Variants in ANKS1B observed in about 807,000 individuals in gnomAD.
The protein encoded by ANKS1B is ankyrin repeat and sterile alpha motif domain containing 1B, also known as ankyrin repeat and sterile alpha motif domain-containing protein 1B.
A neutral mutation model predicts 148.3 loss-of-function variants in ANKS1B; 36 were observed. The ratio of observed to expected loss-of-function variants is 0.24; its 90% CI spans 0.19 to 0.32. ANKS1B has a LOEUF of 0.32. Ranked by LOEUF, ANKS1B falls within the 10% of genes least tolerant of loss-of-function variation. The pLI, the probability that ANKS1B is intolerant of heterozygous loss-of-function variation, is 1.00. For missense variants in ANKS1B, 1,157 were observed against 1,542.6 expected, an observed-to-expected ratio of 0.75 and a Z score of 4.19; for synonymous variants, 542 against 560.8, an observed-to-expected ratio of 0.97 and a Z score of 0.47.
chr12:99,090,622 T>C (rs2053692998), intron 15 of ANKS1B, among the ~76,000 whole-genome samples: 1 of 152,160 alleles, frequency 6.6e-6, no homozygotes, highest in Non-Finnish European at 1.5e-5. Context: ...TAGTTTGCTT[T>C]TAATATTTAG....
At chr12:99,063,813 G>T (rs144062419) in intron 16 of ANKS1B, among the ~76,000 whole-genome samples, 4 of 152,282 alleles carry the variant, frequency 2.6e-5, no homozygotes, top group African/African-American at 9.6e-5. Flanking sequence ...TTAATATACT[G>T]TGACTGTTGT....
chr12:98,874,156 CA>C (rs542853481), intron 17 of ANKS1B, among the ~76,000 whole-genome samples: 71 of 151,784 alleles, frequency 4.7e-4, no homozygotes, highest in Admixed American at 4.0e-3. Context: ...CAAAATGAGG[CA>C]AAAAAAGAGC....
intron 8 of ANKS1B, among the ~76,000 whole-genome samples, chr12:99,664,531 G>A (rs1445246922): frequency 6.6e-6 from 1 of 151,954 alleles, no homozygotes; most frequent in African/African-American, 2.4e-5. Flanking sequence ...AAAAGCTGAG[G>A]GAAAAGGAGC....
At chr12:99,515,845 TAA>T (rs1298139756) in intron 9 of ANKS1B, among the ~76,000 whole-genome samples, 4 of 152,168 alleles carry the variant, frequency 2.6e-5, no homozygotes, top group Non-Finnish European at 5.9e-5. Context: ...GTCTTTTGGA[TAA>T]AAGTCATTTA....
chr12:99,574,035 A>G (rs1289488449), intron 9 of ANKS1B, among the ~76,000 whole-genome samples: 1 of 152,078 alleles, frequency 6.6e-6, no homozygotes, highest in Non-Finnish European at 1.5e-5. Flanking sequence ...TGTTGCCTAC[A>G]GAGGTTTACA....
In ANKS1B at chr12:98,853,421, G is replaced by C. The variant is rs552439245; in HGVS notation, c.2779-21285C>G. On this transcript the variant is annotated intron_variant, in intron 17 of 26. Transcript: ENST00000683438. The stretch of plus-strand genomic sequence containing the variant: ...GAGGGCCCATGGAGAGCGTGATGAT[G>C]TGTCTCTTGGCCCATCACAACGTAA... Among the ~76,000 whole-genome samples, 25 of 152,282 alleles carry C rather than the reference G, an allele frequency of 1.6e-4. No individual in the cohort carries two copies. The South Asian group carries it at 2.1e-3, about 13-fold the overall frequency.
intron 9 of ANKS1B, among the ~76,000 whole-genome samples, chr12:99,590,703 A>G (rs573686600): frequency 6.6e-6 from 1 of 152,364 alleles, no homozygotes; most frequent in Non-Finnish European, 1.5e-5. Flanking sequence ...TGCTCAAGGT[A>G]GAAAATGGCT....
chr12:99,003,094 T>G (rs564671097), intron 17 of ANKS1B, among the ~76,000 whole-genome samples: 1 of 152,212 alleles, frequency 6.6e-6, no homozygotes, highest in African/African-American at 2.4e-5. Context: ...AGAAACCATC[T>G]TTTGCCCATT....
intron 9 of ANKS1B, among the ~76,000 whole-genome samples, chr12:99,635,274 A>G (rs890423824): frequency 6.6e-6 from 1 of 152,214 alleles, no homozygotes; most frequent in Non-Finnish European, 1.5e-5. Context: ...CAAAAGAATT[A>G]AAAACAGAAT....
At chr12:99,139,816 C>T (rs1256951978) in intron 15 of ANKS1B, among the ~76,000 whole-genome samples, 1 of 151,854 alleles carries the variant, frequency 6.6e-6, no homozygotes, top group Non-Finnish European at 1.5e-5. Flanking sequence ...TAGGTGTTCC[C>T]TTAGGAATGA....
chr12:99,726,660 C>T (rs2058650355), intron 8 of ANKS1B, among the ~76,000 whole-genome samples: 1 of 152,116 alleles, frequency 6.6e-6, no homozygotes, highest in African/African-American at 2.4e-5. Context: ...CATCCTGATA[C>T]CAAAACTGGG....
In ANKS1B at chr12:99,531,400, C is replaced by T. The variant is rs191314545; in HGVS notation, c.1273-26759G>A. On this transcript the variant is annotated intron_variant, in intron 9 of 26. Coordinates refer to ENST00000683438, the MANE Select transcript of ANKS1B (RefSeq NM_001352186.2). ...TCTGAGTCTCCAGTGTCAACTACAC[C>T]ACACAGTACACCTTTGTGTACCTAT... Among the ~76,000 whole-genome samples, 416 of 152,228 alleles carry T rather than the reference C, an allele frequency of 2.7e-3. 1 individual carries two copies. Among genetic ancestry groups the T allele is most frequent in the Middle Eastern group, 0.017 (5 of 294 alleles).
chr12:99,498,158 G>A (rs943021746), intron 10 of ANKS1B, among the ~76,000 whole-genome samples: 5 of 152,150 alleles, frequency 3.3e-5, no homozygotes, highest in Admixed American at 6.5e-5. Context: ...TGTATGCACT[G>A]ATTTGCTAAT....
At chr12:99,055,712 G>A (rs1234233090) in intron 16 of ANKS1B, among the ~76,000 whole-genome samples, 2 of 85,516 alleles carry the variant, frequency 2.3e-5, no homozygotes, top group Non-Finnish European at 4.8e-5. Flanking sequence ...CTTAGGGGAA[G>A]TCTAAACTTG....
intron 12 of ANKS1B, among the ~76,000 whole-genome samples, chr12:99,250,008 C>A (rs994225224): frequency 4.6e-5 from 7 of 152,210 alleles, no homozygotes; most frequent in Admixed American, 1.3e-4. Flanking sequence ...ACGCTCTACT[C>A]ATTGATCCGA....
chr12:99,605,724 CCATT>C (rs1402922905), intron 9 of ANKS1B, among the ~76,000 whole-genome samples: 1 of 152,076 alleles, frequency 6.6e-6, no homozygotes, highest in Admixed American at 6.6e-5. Context: ...TTTTCTAAAT[CCATT>C]CATCCATTGA....
chr12:98,937,557 A>G (rs1462554153), intron 17 of ANKS1B, among the ~76,000 whole-genome samples: 1 of 152,044 alleles, frequency 6.6e-6, no homozygotes, highest in Non-Finnish European at 1.5e-5. Flanking sequence ...TTCCACTTGA[A>G]AGACTAATTT....
At chr12:99,658,874 A>T (rs546240597) in intron 8 of ANKS1B, among the ~76,000 whole-genome samples, 41 of 152,178 alleles carry the variant, frequency 2.7e-4, no homozygotes, top group Non-Finnish European at 1.5e-5. Flanking sequence ...TGGCTTATTT[A>T]CCCTTGTGAA....
chr12:98,942,261 G>T (rs2099838111), intron 17 of ANKS1B, among the ~76,000 whole-genome samples: 1 of 151,848 alleles, frequency 6.6e-6, no homozygotes, highest in African/African-American at 2.4e-5. Flanking sequence ...GGGGGAGCGG[G>T]GGGAGGGGGA....
Sources: gnomAD v4.1 joint callset for allele counts (sites outside exome capture counted in the v4.1 genomes callset) on GRCh38, gnomAD v4.1.1 for gene constraint, MANE v1.5 for transcripts, NCBI Gene and HGNC (gene_info 2026-07-23, HGNC 2026-07-21) for gene names.